PPARGC1B: variants seen among roughly 807,000 people sequenced by gnomAD.
PPARGC1B encodes the protein peroxisome proliferator-activated receptor gamma coactivator 1-beta.
A neutral mutation model predicts 101.6 loss-of-function variants in PPARGC1B; 34 were observed. That is an observed-to-expected ratio of 0.33 (90% CI 0.25 to 0.45). The LOEUF (loss-of-function observed/expected upper bound fraction) is 0.45. Ranked by LOEUF, PPARGC1B falls within the 20% of genes least tolerant of loss-of-function variation. The probability of loss-of-function intolerance (pLI) is 1.00; values close to 1 mark genes in which losing one functional copy is unlikely to be tolerated. For missense variants in PPARGC1B, 1,234 were observed against 1,317.6 expected (o/e 0.94, Z 0.98); for synonymous variants, 548 against 539.3 (o/e 1.02, Z -0.22).
intron 1 of PPARGC1B, among the ~76,000 whole-genome samples, chr5:149,751,755 A>C (rs1010356582): frequency 1.3e-5 from 2 of 151,872 alleles, no homozygotes; most frequent in African/African-American, 4.8e-5. Flanking sequence ...CCCAGAAATA[A>C]CCAGTCATAG....
At chr5:149,814,180 G>A (rs1324685430) in intron 1 of PPARGC1B, among the ~76,000 whole-genome samples, 2 of 152,160 alleles carry the variant, frequency 1.3e-5, no homozygotes, top group Admixed American at 1.3e-4. Context: ...AACCTAGGTG[G>A]CAAGAAACAA....
In PPARGC1B at chr5:149,810,212, A is replaced by T. The variant is rs1408451339; in HGVS notation, c.79-10221A>T. ...TCAAGAGGCCCTTGAGTTCAAGTGCATAAAATTGACTGTGAGTGCAGGCAG... is the reference window on the plus strand; with the variant it reads ...TCAAGAGGCCCTTGAGTTCAAGTGCTTAAAATTGACTGTGAGTGCAGGCAG... On this transcript the variant is annotated intron_variant, in intron 1 of 11. Coordinates refer to ENST00000309241, the MANE Select transcript of PPARGC1B (RefSeq NM_133263.4). 3.3e-5 allele frequency among the ~76,000 whole-genome samples: 5 copies of T among 152,400 alleles called. No homozygotes were observed. In the East Asian group the frequency reaches 9.6e-4, roughly 29 times the overall value.
In PPARGC1B at chr5:149,774,686, T is replaced by C. The variant is rs112500482; in HGVS notation, c.78+44266T>C. Among the ~76,000 whole-genome samples the C allele has an allele frequency of 2.6e-4, 39 of 152,054 alleles. 1 individual carries two copies. The highest frequency in any genetic ancestry group is 9.2e-4 in the African/African-American group (38 of 41,472). ...TAGGGACCTGTAATGACTAGGTCCC[T>C]GCCCCATGTGTGACCTGGCAGCTGG... On this transcript the variant is annotated intron_variant, in intron 1 of 11. Coordinates refer to ENST00000309241, the MANE Select transcript of PPARGC1B (RefSeq NM_133263.4).
At chr5:149,799,111 C>G (rs1757335552) in intron 1 of PPARGC1B, among the ~76,000 whole-genome samples, 1 of 151,920 alleles carries the variant, frequency 6.6e-6, no homozygotes, top group Non-Finnish European at 1.5e-5. Flanking sequence ...GAATGGGGGA[C>G]AGATTCCTCA....
intron 10 of PPARGC1B, among the ~76,000 whole-genome samples, chr5:149,844,294 T>A (rs1759462089): frequency 6.6e-6 from 1 of 152,160 alleles, no homozygotes; most frequent in Admixed American, 6.5e-5. Flanking sequence ...GTTAAGATTT[T>A]AAAAAAACAC....
intron 1 of PPARGC1B, chr5:149,740,221 C>G (rs1374269518): frequency 6.6e-6 from 1 of 152,220 alleles, no homozygotes; most frequent in Non-Finnish European, 1.5e-5. Flanking sequence ...GCCCTGGGAG[C>G]TTGGCAGAGA....
chr5:149,781,921 G>C (rs1756616583), intron 1 of PPARGC1B, among the ~76,000 whole-genome samples: 1 of 152,104 alleles, frequency 6.6e-6, no homozygotes, highest in Non-Finnish European at 1.5e-5. Flanking sequence ...CCTTAGTAAA[G>C]AAAAACAATC....
Position 149,836,371 on chromosome 5 carries a change from C to A in PPARGC1B, c.1916C>A (p.Pro639His), listed in dbSNP as rs758466212. 6.2e-7 allele frequency: 1 copy of A among 1,614,140 alleles called. No homozygotes were observed. The highest frequency in any genetic ancestry group is 1.1e-5 in the South Asian group (1 of 91,078). ...GAAATAGCTCTCAGCCTCCCCTCCC[C>A]TGAGGGCCTCTCACTCAAGGCCACC... ...GKEIALSLPS[P>H]EGLSLKATPG... Residue 639 changes from proline to histidine, a missense_variant, in exon 8 of 12, where the codon CCT (proline) becomes CAT (histidine). By Grantham distance (77) the Pro-to-His change is moderately conservative. This residue lies in a region of PPARGC1B where 497 missense variants were observed against 529.5 expected (regional missense o/e 0.94). Coordinates refer to ENST00000309241, the MANE Select transcript of PPARGC1B (RefSeq NM_133263.4).
intron 1 of PPARGC1B, chr5:149,817,603 C>A (rs185532736): frequency 1.7e-4 from 68 of 393,504 alleles, no homozygotes; most frequent in African/African-American, 1.2e-3. Context: ...TGTTTTCTTC[C>A]CTCACTAAGA....
At chr5:149,846,301 G>A (rs1759554581) in intron 11 of PPARGC1B, 1 of 424,978 alleles carries the variant, frequency 2.4e-6, no homozygotes, top group Non-Finnish European at 4.2e-6. Context: ...GCCACCTGGG[G>A]ACAAGATGAT....
At chr5:149,775,119 G>A (rs1206556454) in intron 1 of PPARGC1B, among the ~76,000 whole-genome samples, 1 of 152,080 alleles carries the variant, frequency 6.6e-6, no homozygotes, top group Non-Finnish European at 1.5e-5. Flanking sequence ...GCTCCCTACT[G>A]TGGAGGCCTC....
At chr5:149,814,844 G>A (rs75368810) in intron 1 of PPARGC1B, among the ~76,000 whole-genome samples, 2,636 of 152,330 alleles carry the variant, frequency 0.017, 84 homozygotes, top group African/African-American at 0.06. Flanking sequence ...TCAGATGAGC[G>A]ATGTGGTGTT....
Position 149,837,710 on chromosome 5 carries a change from G to T in PPARGC1B, c.2618+637G>T, listed in dbSNP as rs1759164149. Among the ~76,000 whole-genome samples, 1 of 152,198 alleles carries T rather than the reference G, an allele frequency of 6.6e-6. No homozygotes were observed. Among genetic ancestry groups the T allele is most frequent in the Non-Finnish European group, 1.5e-5 (1 of 68,036 alleles). On this transcript the variant is annotated intron_variant, in intron 8 of 11. Transcript: ENST00000309241. The surrounding 1 kb of genome is among the most constrained non-coding windows in gnomAD (Gnocchi z 4.2). ...GAAGCCAGTCCAAAAGTCAGCTGGG[G>T]AGCTGGGCAGAAAAAATGGAGGTTT...
At chr5:149,844,107 G>A (rs1246244044) in intron 10 of PPARGC1B, among the ~76,000 whole-genome samples, 5 of 152,202 alleles carry the variant, frequency 3.3e-5, no homozygotes, top group Admixed American at 3.3e-4. Context: ...CAAACTGTAT[G>A]CTTAAAAATG....
chr5:149,756,863 CTG>C (rs1755541110), intron 1 of PPARGC1B, among the ~76,000 whole-genome samples: 1 of 151,958 alleles, frequency 6.6e-6, no homozygotes, highest in African/African-American at 2.4e-5. Context: ...CACTGTCCAC[CTG>C]AGATGGGATC....
At chr5:149,767,053 C>A (rs1755936603) in intron 1 of PPARGC1B, among the ~76,000 whole-genome samples, 1 of 152,186 alleles carries the variant, frequency 6.6e-6, no homozygotes. Flanking sequence ...CCTGGAAACT[C>A]TTTGGTCCAT....
chr5:149,775,660 T>C (rs1260642962), intron 1 of PPARGC1B, among the ~76,000 whole-genome samples: 1 of 152,186 alleles, frequency 6.6e-6, no homozygotes, highest in Non-Finnish European at 1.5e-5. Context: ...TAGAAAGGCA[T>C]GCTGAGTCTG....
rs918807658 is a variant in PPARGC1B, at chr5:149,837,940, C to G, written c.2618+867C>G. Among the ~76,000 whole-genome samples, 16 of 152,110 alleles carry G rather than the reference C, an allele frequency of 1.1e-4. No homozygotes were observed. The highest frequency in any genetic ancestry group is 1.2e-4 in the Non-Finnish European group (8 of 68,006). The stretch of plus-strand genomic sequence containing the variant: ...TTGCGCCTCCACTGGCCGGCCCACA[C>G]CCGGGTGTCTGATCTGTAGGTCTGG... On this transcript the variant is annotated intron_variant, in intron 8 of 11. Transcript: ENST00000309241. This position sits in a 1 kb window ranked among gnomAD's most constrained non-coding sequence, Gnocchi z 4.2.
chr5:149,805,679 A>T (rs1293362323), intron 1 of PPARGC1B, among the ~76,000 whole-genome samples: 1 of 152,182 alleles, frequency 6.6e-6, no homozygotes, highest in African/African-American at 2.4e-5. Context: ...ACCTCAGGTG[A>T]TCTGACCCAC....
Sources: gnomAD v4.1 joint callset for allele counts (sites outside exome capture counted in the v4.1 genomes callset) on GRCh38, gnomAD v4.1.1 for gene constraint, gnomAD v4.1.1 regional missense constraint, Gnocchi (gnomAD v3.1) non-coding constraint, MANE v1.5 for transcripts, NCBI Gene and HGNC (gene_info 2026-07-23, HGNC 2026-07-21) for gene names.